The following TMEM123 variants were observed in gnomAD, a reference collection of about 807,000 sequenced individuals.
TMEM123 encodes the protein transmembrane protein 123.
Under a neutral mutation model 19.7 loss-of-function variants are expected in TMEM123, and 16 were observed. The observed-to-expected ratio is 0.81, with a 90% CI of 0.55 to 1.23. The LOEUF is 1.23. Among genes scored for constraint, TMEM123 ranks in the 50% most tolerant of loss-of-function variants. TMEM123 has a pLI of 0.00. For missense variants in TMEM123, 313 were observed against 257.8 expected (o/e 1.21, Z -1.47); for synonymous variants, 118 against 99.4 (o/e 1.19, Z -1.12).
At chr11:102,413,667 A>G (rs1180193677) in intron 2 of TMEM123, among the ~76,000 whole-genome samples, 3 of 152,216 alleles carry the variant, frequency 2.0e-5, no homozygotes, top group Admixed American at 1.3e-4. Context: ...AAGCCAGTCA[A>G]ATGAACCCAA....
chr11:102,451,717 T>C (rs966718312), intron 1 of TMEM123, among the ~76,000 whole-genome samples: 1 of 152,250 alleles, frequency 6.6e-6, no homozygotes, highest in Non-Finnish European at 1.5e-5. Context: ...AAAGGGCTGT[T>C]TGAAGTCTCC....
chr11:102,446,857 GA>G (rs572487555), intron 2 of TMEM123, among the ~76,000 whole-genome samples: 80 of 152,276 alleles, frequency 5.3e-4, no homozygotes, highest in African/African-American at 1.9e-3. Flanking sequence ...ATTTGCCAAA[GA>G]TGCTATTTTC....
intron 2 of TMEM123, among the ~76,000 whole-genome samples, chr11:102,407,444 A>AGT (rs1951965486): frequency 1.3e-5 from 2 of 152,222 alleles, no homozygotes; most frequent in Admixed American, 1.3e-4. Flanking sequence ...GTCCATGCTC[A>AGT]GTGTTAAGGG....
chr11:102,435,865 G>A (rs1222395225), intron 2 of TMEM123, among the ~76,000 whole-genome samples: 3 of 151,790 alleles, frequency 2.0e-5, no homozygotes, highest in African/African-American at 7.2e-5. Flanking sequence ...GGGCTGGTGG[G>A]GGAACAGCAG....
chr11:102,430,938 T>C (rs570604872), intron 2 of TMEM123, among the ~76,000 whole-genome samples: 13 of 152,182 alleles, frequency 8.5e-5, no homozygotes, highest in Non-Finnish European at 1.8e-4. Context: ...GAGGGACCAC[T>C]AAACTAGTGA....
intron 4 of TMEM123, 23 bp from the exon 5 acceptor site, chr11:102,398,914 A>G: frequency 6.3e-7 from 1 of 1,598,982 alleles, no homozygotes; most frequent in South Asian, 1.1e-5. Flanking sequence ...AAAAGTTACA[A>G]TTACTTTGTT....
At chr11:102,451,610 A>T (rs1218389426) in intron 1 of TMEM123, among the ~76,000 whole-genome samples, 10 of 152,242 alleles carry the variant, frequency 6.6e-5, no homozygotes, top group Non-Finnish European at 7.3e-5. Flanking sequence ...AACTTATCCT[A>T]GTTTACTGAC....
At chr11:102,406,086 G>C (rs1416703942) in intron 2 of TMEM123, among the ~76,000 whole-genome samples, 1 of 152,178 alleles carries the variant, frequency 6.6e-6, no homozygotes, top group African/African-American at 2.4e-5. Flanking sequence ...ACCTCTAGGA[G>C]TGGCACAGTT....
chr11:102,440,978 C>A (rs1308192254), intron 2 of TMEM123, among the ~76,000 whole-genome samples: 5 of 152,178 alleles, frequency 3.3e-5, no homozygotes, highest in Non-Finnish European at 7.3e-5. Flanking sequence ...GGGATCCATT[C>A]AACAAGAAGA....
At chr11:102,427,208 A>C (rs1211601301) in intron 2 of TMEM123, among the ~76,000 whole-genome samples, 5 of 151,770 alleles carry the variant, frequency 3.3e-5, no homozygotes, top group African/African-American at 7.3e-5. Context: ...TTAGTTTCTT[A>C]AACAATACAT....
chr11:102,418,909 C>T (rs913762573), intron 2 of TMEM123, among the ~76,000 whole-genome samples: 6 of 152,116 alleles, frequency 3.9e-5, no homozygotes, highest in African/African-American at 1.2e-4. Flanking sequence ...AACACAGAAA[C>T]AGAAAATCAA....
In TMEM123 at chr11:102,396,888, CA is replaced by C. The variant is rs1394858979; in HGVS notation, c.*1978del. The stretch of plus-strand genomic sequence containing the variant: ...TCAAAGTGCTAAAGAAACAAGTATT[CA>C]AAAAGAAACTTCAGGTCGGTCTACG... On this transcript the variant is annotated 3_prime_UTR_variant, in exon 5 of 5. Coordinates refer to ENST00000398136, the MANE Select transcript of TMEM123 (RefSeq NM_052932.3). The C allele has an allele frequency of 1.3e-5, 2 of 152,122 alleles. No homozygotes were observed. Among genetic ancestry groups the C allele is most frequent in the African/African-American group, 4.8e-5 (2 of 41,440 alleles). 9.4% of individuals were successfully genotyped at this position (152,122 alleles called of 1,614,324 possible). A position where few individuals can be genotyped will look rare whatever the true frequency, so the allele number is the denominator to read the frequency against.
chr11:102,438,022 A>G (rs915895385), intron 2 of TMEM123, among the ~76,000 whole-genome samples: 1 of 152,056 alleles, frequency 6.6e-6, no homozygotes, highest in South Asian at 2.1e-4. Flanking sequence ...CTCTTTATGC[A>G]TGGAGGCAGA....
Position 102,410,828 on chromosome 11 carries a change from C to T in TMEM123, c.158-8622G>A, listed in dbSNP as rs538058317. ...TAGTAAGGACAAGAAGGAAACAACACAGTTACAATATGTATGCCAGGGGCC... is the reference window on the plus strand; with the variant it reads ...TAGTAAGGACAAGAAGGAAACAACATAGTTACAATATGTATGCCAGGGGCC... On this transcript the variant is annotated intron_variant, in intron 2 of 4. Coordinates refer to ENST00000398136, the MANE Select transcript of TMEM123 (RefSeq NM_052932.3). 4.6e-5 allele frequency among the ~76,000 whole-genome samples: 7 copies of T among 152,260 alleles called. No homozygotes were observed. The East Asian group carries it at 1.4e-3, about 29-fold the overall frequency.
chr11:102,439,224 T>C (rs1857798237), intron 2 of TMEM123, among the ~76,000 whole-genome samples: 1 of 152,144 alleles, frequency 6.6e-6, no homozygotes, highest in Non-Finnish European at 1.5e-5. Flanking sequence ...CTTGCTTGTC[T>C]GACAGCTTTG....
chr11:102,398,756 G>C lies in TMEM123; in HGVS notation c.*111C>G. ...TAATACACTGTACATTATATGCATG[G>C]CCTGTTTATACTATTTTCAAAAAGA... On this transcript the variant is annotated 3_prime_UTR_variant, in exon 5 of 5. Transcript: ENST00000398136. The C allele has an allele frequency of 9.5e-7, 1 of 1,048,254 alleles. No individual in the cohort carries two copies. Among genetic ancestry groups the C allele is most frequent in the Non-Finnish European group, 1.4e-6 (1 of 691,984 alleles). The allele number at this position is 1,048,254 out of a possible 1,614,324, so 64.9% of individuals were successfully genotyped here.
At chr11:102,402,973 CAG>C (rs1230118305) in intron 2 of TMEM123, among the ~76,000 whole-genome samples, 11 of 152,090 alleles carry the variant, frequency 7.2e-5, no homozygotes, top group Non-Finnish European at 1.5e-4. Flanking sequence ...ATAATGTAAA[CAG>C]AAACATATAG....
intron 2 of TMEM123, among the ~76,000 whole-genome samples, chr11:102,435,094 C>G (rs1375557146): frequency 6.6e-6 from 1 of 151,874 alleles, no homozygotes; most frequent in African/African-American, 2.4e-5. Flanking sequence ...AATCCCAGCA[C>G]ATTGGGAGGC....
intron 2 of TMEM123, among the ~76,000 whole-genome samples, chr11:102,426,859 T>TCCCCCCC (rs57729827): frequency 2.4e-4 from 1 of 4,136 alleles, no homozygotes; most frequent in African/African-American, 6.4e-4. Context: ...TTAAAGTAGT[T>TCCCCCCC]CCCCCCCCCC....
Sources: gnomAD v4.1 joint callset for allele counts (sites outside exome capture counted in the v4.1 genomes callset) on GRCh38, gnomAD v4.1.1 for gene constraint, MANE v1.5 for transcripts, NCBI Gene and HGNC (gene_info 2026-07-23, HGNC 2026-07-21) for gene names.